PAAF1: variants seen among roughly 807,000 people sequenced by gnomAD.
The protein encoded by PAAF1 is proteasomal ATPase-associated factor 1.
PAAF1 carries 46 observed loss-of-function variants against 52.8 expected under a neutral mutation model. The observed-to-expected ratio is 0.87, with a 90% confidence interval of 0.69 to 1.11. PAAF1 has a LOEUF of 1.11. PAAF1 is among the 50% of genes most tolerant of loss of function. PAAF1 has a pLI of 0.00. For synonymous variants in PAAF1, 178 were observed against 172.8 expected (o/e 1.03, Z -0.24); for missense variants, 424 against 477.4 (o/e 0.89, Z 1.04).
At chr11:73,887,489 A>G (rs1949092664) in intron 3 of PAAF1, 32 bp downstream of exon 3, 1 of 1,430,316 alleles carries the variant, frequency 7.0e-7, no homozygotes, top group East Asian at 2.3e-5. Context: ...ATGGCATGAT[A>G]TTTAAAACTA....
intron 4 of PAAF1, among the ~76,000 whole-genome samples, chr11:73,896,886 G>C (rs1949387939): frequency 6.6e-6 from 1 of 151,246 alleles, no homozygotes; most frequent in Admixed American, 6.6e-5. Context: ...AGGCAGAGGC[G>C]CCCCTCACCT....
intron 6 of PAAF1, among the ~76,000 whole-genome samples, chr11:73,900,667 A>T (rs1253854150): frequency 6.6e-6 from 1 of 152,182 alleles, no homozygotes; most frequent in Non-Finnish European, 1.5e-5. Context: ...GCAGTGGTGC[A>T]TGCCTGTAAT....
intron 10 of PAAF1, chr11:73,921,872 C>T: frequency 8.9e-7 from 1 of 1,127,318 alleles, no homozygotes; most frequent in Non-Finnish European, 1.3e-6. Flanking sequence ...CCAGGTTCTC[C>T]AGGAATGGGA....
Position 73,921,299 on chromosome 11 carries a change from C to CA in PAAF1, c.1018+2282dup, listed in dbSNP as rs35623031. Among the ~76,000 whole-genome samples the CA allele has an allele frequency of 1.5e-3, 191 of 123,310 alleles. 1 individual carries two copies. Among genetic ancestry groups the CA allele is most frequent in the East Asian group, 6.7e-3 (28 of 4,170 alleles). 80.9% of individuals were successfully genotyped at this position (123,310 alleles called of 152,430 possible). On this transcript the variant is annotated intron_variant, in intron 10 of 11. Coordinates refer to ENST00000310571, the MANE Select transcript of PAAF1 (RefSeq NM_025155.3). ...TCAGCGACAGAGTGAGACTGCCTCG[C>CA]AAAAAAAAAAAAAAATCTCTGTTGC...
chr11:73,887,277 G>A (rs1032773986), intron 2 of PAAF1, 77 bp from the exon 3 acceptor site: 10 of 1,019,262 alleles, frequency 9.8e-6, no homozygotes, highest in Non-Finnish European at 1.4e-5. Flanking sequence ...TTATACAGAT[G>A]CCTGAATTGG....
rs536217644 is a variant in PAAF1, at chr11:73,878,056, A to G, written c.48-723A>G. 1.6e-4 allele frequency among the ~76,000 whole-genome samples: 25 copies of G among 152,326 alleles called. 1 individual carries two copies. Among genetic ancestry groups the G allele is most frequent in the African/African-American group, 5.8e-4 (24 of 41,564 alleles). ...AATAAGGGTTTTTCAAATTGAAACA[A>G]TGGTGAAGATGAATGAAACATAGCC... On this transcript the variant is annotated intron_variant, in intron 1 of 11. Transcript: ENST00000310571.
At chr11:73,900,907 G>A (rs1262713830) in intron 6 of PAAF1, among the ~76,000 whole-genome samples, 5 of 146,966 alleles carry the variant, frequency 3.4e-5, no homozygotes, top group African/African-American at 1.0e-4. Context: ...GCGTGAACCC[G>A]GGAGGCGGAG....
At chr11:73,886,407 G>A (rs1167349030) in intron 2 of PAAF1, among the ~76,000 whole-genome samples, 4 of 151,978 alleles carry the variant, frequency 2.6e-5, no homozygotes, top group Non-Finnish European at 5.9e-5. Flanking sequence ...CAGGCGCGGT[G>A]GCTCACGCCT....
chr11:73,882,887 G>C (rs1948957281), intron 2 of PAAF1, among the ~76,000 whole-genome samples: 1 of 151,580 alleles, frequency 6.6e-6, no homozygotes. Context: ...ACAGGCGTGA[G>C]CCACTGTGCC....
At chr11:73,900,981 C>CAAAAAAA (rs5792636) in intron 6 of PAAF1, among the ~76,000 whole-genome samples, 9 of 59,536 alleles carry the variant, frequency 1.5e-4, no homozygotes, top group African/African-American at 2.4e-4. Context: ...GACTCCGTCT[C>CAAAAAAA]AAAAAAAAAA....
intron 11 of PAAF1, among the ~76,000 whole-genome samples, chr11:73,924,989 C>G (rs1950313486): frequency 6.6e-6 from 1 of 151,598 alleles, no homozygotes; most frequent in Admixed American, 6.6e-5. Context: ...CCCGTCTCTA[C>G]TAAAAATACA....
chr11:73,893,607 T>G (rs1430462128), intron 4 of PAAF1, among the ~76,000 whole-genome samples: 1 of 150,720 alleles, frequency 6.6e-6, no homozygotes. Context: ...CGTGGTGGCG[T>G]GCACCTATAA....
At chr11:73,877,658 G>C (rs1301877677) in intron 1 of PAAF1, among the ~76,000 whole-genome samples, 1 of 152,160 alleles carries the variant, frequency 6.6e-6, no homozygotes, top group Non-Finnish European at 1.5e-5. Context: ...AACTGAGATT[G>C]GTGGATCAGT....
chr11:73,896,442 G>C (rs1326267583), intron 4 of PAAF1, among the ~76,000 whole-genome samples: 1 of 151,200 alleles, frequency 6.6e-6, no homozygotes, highest in African/African-American at 2.4e-5. Flanking sequence ...AGAGGACCCT[G>C]CGGCCTTCCG....
intron 10 of PAAF1, among the ~76,000 whole-genome samples, chr11:73,922,686 G>A (rs1030945785): frequency 2.0e-5 from 3 of 152,144 alleles, no homozygotes; most frequent in East Asian, 1.9e-4. Context: ...GCATCATGGC[G>A]GGCGCCTGTA....
rs113093298 is a variant in PAAF1, at chr11:73,899,701, C to T, written c.381+457C>T. On this transcript the variant is annotated intron_variant, in intron 5 of 11. Coordinates refer to ENST00000310571, the MANE Select transcript of PAAF1 (RefSeq NM_025155.3). Reference sequence around the variant, plus strand: ...TGCTGGGATTACAGGTGTGAGCCACCGCTCCTGGCCTCTCAGCTGTCAATT... The same window carrying T: ...TGCTGGGATTACAGGTGTGAGCCACTGCTCCTGGCCTCTCAGCTGTCAATT... 4.7e-3 allele frequency among the ~76,000 whole-genome samples: 718 copies of T among 152,238 alleles called. 4 individuals carry two copies. Among genetic ancestry groups the T allele is most frequent in the African/African-American group, 0.016 (685 of 41,530 alleles).
rs1950399522 is a variant in PAAF1 at position 73,927,634 on chromosome 11, T to G, written c.*272T>G. The G allele has an allele frequency of 2.0e-6, 1 of 491,534 alleles. No individual in the cohort carries two copies. The highest frequency in any genetic ancestry group is 3.3e-5 in the East Asian group (1 of 29,976). The allele number at this position is 491,534 out of a possible 1,614,324, so 30.4% of individuals were successfully genotyped here. A position where few individuals can be genotyped will look rare whatever the true frequency, so the allele number is the denominator to read the frequency against. ...ACACAGGGCAAGGATATAGATGCTT[T>G]TAGTTTGTTCTTAAACCAGTTTTGT... On this transcript the variant is annotated 3_prime_UTR_variant, in exon 12 of 12. Coordinates refer to ENST00000310571, the MANE Select transcript of PAAF1 (RefSeq NM_025155.3).
chr11:73,885,231 C>T (rs757677431), intron 2 of PAAF1, among the ~76,000 whole-genome samples: 14 of 151,920 alleles, frequency 9.2e-5, no homozygotes, highest in Non-Finnish European at 1.8e-4. Flanking sequence ...CTCTGCTTGC[C>T]AGGTTCAAGG....
intron 4 of PAAF1, among the ~76,000 whole-genome samples, chr11:73,898,832 CAAAT>C (rs148347769): frequency 0.033 from 4,990 of 151,522 alleles, 85 homozygotes; most frequent in Middle Eastern, 0.055. Context: ...AACAAACAAA[CAAAT>C]AAATAAATGC....
Sources: gnomAD v4.1 joint callset for allele counts (sites outside exome capture counted in the v4.1 genomes callset) on GRCh38, gnomAD v4.1.1 for gene constraint, MANE v1.5 for transcripts, NCBI Gene and HGNC (gene_info 2026-07-23, HGNC 2026-07-21) for gene names.